Variants in FOXP2 observed in about 807,000 individuals in gnomAD.
FOXP2 encodes forkhead box P2.
In FOXP2, 12 loss-of-function variants were observed where a neutral mutation model predicts 115.8. The observed-to-expected ratio is 0.10, with a 90% CI of 0.07 to 0.17. FOXP2 has a LOEUF of 0.17. Among genes scored for constraint, FOXP2 ranks in the 10% least tolerant of loss-of-function variants. FOXP2 has a pLI of 1.00. For synonymous variants in FOXP2, 328 were observed against 297.7 expected (o/e 1.10, Z -1.05); for missense variants, 629 against 843.5 (o/e 0.75, Z 3.15).
chr7:114,379,169 G>C (rs1562894520), intron 2 of FOXP2, among the ~76,000 whole-genome samples: 1 of 152,204 alleles, frequency 6.6e-6, no homozygotes, highest in Admixed American at 6.5e-5. Context: ...GGGGGTTGCT[G>C]TTGCTGGCTC....
intron 2 of FOXP2, among the ~76,000 whole-genome samples, chr7:114,439,259 T>C (rs1794492267): frequency 6.6e-6 from 1 of 152,174 alleles, no homozygotes; most frequent in Admixed American, 6.6e-5. Flanking sequence ...TTTATTATTC[T>C]ATTATGTCGG....
intron 1 of FOXP2, among the ~76,000 whole-genome samples, chr7:114,247,911 G>A (rs1369115053): frequency 5.3e-5 from 8 of 152,070 alleles, no homozygotes; most frequent in Admixed American, 2.6e-4. Context: ...AAACGTGCAT[G>A]CGGATGTGCA....
chr7:114,158,653 G>C (rs1470391433), upstream of FOXP2, among the ~76,000 whole-genome samples: 1 of 152,026 alleles, frequency 6.6e-6, no homozygotes, highest in Non-Finnish European at 1.5e-5. Context: ...TGTTGTATGT[G>C]ATATTTATCA....
At chr7:114,369,701 T>C (rs1791958914) in intron 2 of FOXP2, among the ~76,000 whole-genome samples, 2 of 152,182 alleles carry the variant, frequency 1.3e-5, no homozygotes, top group Non-Finnish European at 2.9e-5. Flanking sequence ...GATTCTGATA[T>C]GTAGAAATTT....
intron 3 of FOXP2, among the ~76,000 whole-genome samples, chr7:114,552,618 G>A (rs1365023599): frequency 6.6e-6 from 1 of 152,028 alleles, no homozygotes; most frequent in African/African-American, 2.4e-5. Context: ...CATTTATTCA[G>A]GTTAAAATAT....
chr7:114,271,499 TATATTAATAATATA>T (rs1160306305), intron 1 of FOXP2, among the ~76,000 whole-genome samples: 1 of 133,260 alleles, frequency 7.5e-6, no homozygotes, highest in Non-Finnish European at 1.6e-5. Context: ...TTTATATAAA[TATATTAATAATATA>T]ATATTAATAT....
At chr7:114,189,795 G>A (rs531203423) in intron 1 of FOXP2, among the ~76,000 whole-genome samples, 3 of 152,200 alleles carry the variant, frequency 2.0e-5, no homozygotes, top group Non-Finnish European at 2.9e-5. Flanking sequence ...CTAGGTGCCC[G>A]GTGGTTCCAG....
At chr7:114,341,671 G>C (rs919494592) in intron 2 of FOXP2, among the ~76,000 whole-genome samples, 2 of 151,166 alleles carry the variant, frequency 1.3e-5, no homozygotes, top group African/African-American at 4.8e-5. Context: ...TTTCACTGGA[G>C]AACTTCTTTA....
At chr7:114,108,836 G>A (rs1204569408) in intron 1 of FOXP2, among the ~76,000 whole-genome samples, 1 of 151,800 alleles carries the variant, frequency 6.6e-6, no homozygotes, top group East Asian at 1.9e-4. Flanking sequence ...ATTTAAAAAT[G>A]TTTCATTTAA....
chr7:114,402,376 G>C (rs1792907027), intron 2 of FOXP2, among the ~76,000 whole-genome samples: 1 of 152,114 alleles, frequency 6.6e-6, no homozygotes, highest in Non-Finnish European at 1.5e-5. Context: ...ATGCTTTCAA[G>C]AGAGGCTCTA....
intron 2 of FOXP2, among the ~76,000 whole-genome samples, chr7:114,490,263 A>G (rs1464521138): frequency 6.6e-6 from 1 of 152,148 alleles, no homozygotes; most frequent in African/African-American, 2.4e-5. Context: ...CAAACTGTGA[A>G]AAGATAAGGA....
chr7:114,572,921 GTGTA>G (rs2129296982), intron 3 of FOXP2, among the ~76,000 whole-genome samples: 1 of 151,982 alleles, frequency 6.6e-6, no homozygotes, highest in South Asian at 2.1e-4. Flanking sequence ...GTGATGACCA[GTGTA>G]TTGGTCTTTC....
At chr7:114,640,725 T>C (rs1291169026) in intron 6 of FOXP2, among the ~76,000 whole-genome samples, 1 of 152,174 alleles carries the variant, frequency 6.6e-6, no homozygotes, top group African/African-American at 2.4e-5. Flanking sequence ...CTAATGTAGA[T>C]GTATGTTCGG....
At chr7:114,570,197 T>C (rs1801221266) in intron 3 of FOXP2, among the ~76,000 whole-genome samples, 1 of 151,948 alleles carries the variant, frequency 6.6e-6, no homozygotes, top group Non-Finnish European at 1.5e-5. Flanking sequence ...TAGTTTTCAA[T>C]GCAAATGGTA....
At chr7:114,131,590 T>A (rs1021648823) in intron 1 of FOXP2, among the ~76,000 whole-genome samples, 1 of 151,978 alleles carries the variant, frequency 6.6e-6, no homozygotes, top group African/African-American at 2.4e-5. Flanking sequence ...AAGAGAAATG[T>A]GTAAAAAAAG....
At chr7:114,661,973 CTGAT>C (rs1241440884) in intron 13 of FOXP2, 88 bp from the exon 14 acceptor site, 4 of 1,490,712 alleles carry the variant, frequency 2.7e-6, no homozygotes, top group African/African-American at 2.8e-5. Flanking sequence ...ATTTTTCACT[CTGAT>C]TAAGTAAGAT....
chr7:114,425,943 C>T (rs1351983639), intron 1 of FOXP2, among the ~76,000 whole-genome samples: 2 of 151,538 alleles, frequency 1.3e-5, no homozygotes, highest in African/African-American at 4.8e-5. Context: ...TTTATTTAGT[C>T]ACAAAAAAAG....
At chr7:114,235,114 G>A (rs942179376) in intron 1 of FOXP2, among the ~76,000 whole-genome samples, 1 of 151,556 alleles carries the variant, frequency 6.6e-6, no homozygotes, top group South Asian at 2.1e-4. Flanking sequence ...GTCTCATATA[G>A]TTTTCAATAG....
In FOXP2 at chr7:114,653,899, G is replaced by A. The variant is rs115129935; in HGVS notation, c.1183-27G>A. 1.2e-5 allele frequency: 19 copies of A among 1,606,122 alleles called. No homozygotes were observed. In the African/African-American group the frequency reaches 1.9e-4, roughly 16 times the overall value. ...TAGCTGTATCAGTCATTTCTAAAAC[G>A]CTTCTGATCTCACTCTTTCTTAACA... is the stretch of plus-strand genomic sequence containing the variant. On this transcript the variant is annotated intron_variant, in intron 9 of 16. Coordinates refer to ENST00000350908, the MANE Select transcript of FOXP2 (RefSeq NM_014491.4).
Sources: allele counts gnomAD v4.1 joint callset (sites outside exome capture counted in the v4.1 genomes callset), GRCh38; gene constraint gnomAD v4.1.1; transcripts MANE v1.5; gene names NCBI Gene and HGNC (gene_info 2026-07-23, HGNC 2026-07-21).